The following PRDM2 variants were observed in gnomAD, a reference collection of about 807,000 sequenced individuals.
PRDM2 encodes PR domain zinc finger protein 2.
PRDM2 carries 30 observed loss-of-function variants against 130.0 expected under a neutral mutation model. That is an observed-to-expected ratio of 0.23 (90% CI 0.17 to 0.31). The LOEUF (loss-of-function observed/expected upper bound fraction) is 0.31. Ranked by LOEUF, PRDM2 falls within the 10% of genes least tolerant of loss-of-function variation. The probability of loss-of-function intolerance (pLI) is 1.00; values close to 1 mark genes in which losing one functional copy is unlikely to be tolerated. For synonymous variants in PRDM2, 871 were observed against 782.4 expected (o/e 1.11, Z -1.89); for missense variants, 2,011 against 2,108.4 (o/e 0.95, Z 0.90).
In PRDM2 at chr1:13,806,341, C is replaced by T. The variant is rs1052041186; in HGVS notation, c.5037-10086C>T. On this transcript the variant is annotated intron_variant, in intron 8 of 9. Coordinates refer to ENST00000311066, the MANE Select transcript of PRDM2 (RefSeq NM_001393986.1). This position sits in a 1 kb window ranked among gnomAD's most constrained non-coding sequence, Gnocchi z 4.1. ...CTTGGTGATCTCATCCAGTCACATG[C>T]GTTAAATACCACCTGGATGCTGACC... is the stretch of plus-strand genomic sequence containing the variant. Among the ~76,000 whole-genome samples the T allele has an allele frequency of 1.3e-5, 2 of 152,272 alleles. No homozygotes were observed. Among genetic ancestry groups the T allele is most frequent in the South Asian group, 2.1e-4 (1 of 4,816 alleles).
chr1:13,702,811 A>AG (rs763183251), intron 1 of PRDM2, among the ~76,000 whole-genome samples: 58 of 152,162 alleles, frequency 3.8e-4, no homozygotes, highest in Non-Finnish European at 6.6e-4. Flanking sequence ...ATACTCATGC[A>AG]GAAAAAAAAC....
intron 8 of PRDM2, among the ~76,000 whole-genome samples, chr1:13,792,368 G>T (rs566798366): frequency 6.6e-6 from 1 of 152,206 alleles, no homozygotes; most frequent in South Asian, 2.1e-4. Flanking sequence ...AACAATTTCA[G>T]TGTACAGCAG....
chr1:13,823,097 C>T, intron 9 of PRDM2, 62 bp from the exon 10 acceptor site: 1 of 1,490,088 alleles, frequency 6.7e-7, no homozygotes, highest in South Asian at 1.2e-5. Flanking sequence ...ACGCATGGAC[C>T]ACCATGGTCG....
At chr1:13,706,303 A>G (rs1369647288) in intron 1 of PRDM2, among the ~76,000 whole-genome samples, 1 of 152,034 alleles carries the variant, frequency 6.6e-6, no homozygotes, top group Non-Finnish European at 1.5e-5. Flanking sequence ...CTCCTCACCT[A>G]CTTCCTTATT....
intron 8 of PRDM2, among the ~76,000 whole-genome samples, chr1:13,808,555 C>G (rs1645122485): frequency 6.6e-6 from 1 of 151,650 alleles, no homozygotes; most frequent in Non-Finnish European, 1.5e-5. Context: ...ATTCATTTTG[C>G]CGGGATTTTA....
chr1:13,725,602 T>A (rs1642886771), intron 2 of PRDM2, among the ~76,000 whole-genome samples: 1 of 152,230 alleles, frequency 6.6e-6, no homozygotes, highest in African/African-American at 2.4e-5. Context: ...GGTATAATAA[T>A]GCTAGTTAGA....
intron 2 of PRDM2, among the ~76,000 whole-genome samples, chr1:13,715,969 A>G (rs565332974): frequency 6.6e-6 from 1 of 152,102 alleles, no homozygotes; most frequent in African/African-American, 2.4e-5. Context: ...TTATTTTGTG[A>G]TTATTTGTTG....
intron 8 of PRDM2, among the ~76,000 whole-genome samples, chr1:13,816,171 A>G (rs1645253519): frequency 6.6e-6 from 1 of 151,986 alleles, no homozygotes; most frequent in Non-Finnish European, 1.5e-5. Context: ...CCCAATGGAC[A>G]CTCCTCTTGC....
intron 8 of PRDM2, among the ~76,000 whole-genome samples, chr1:13,808,748 AATG>A (rs1645125814): frequency 6.6e-6 from 1 of 152,204 alleles, no homozygotes; most frequent in South Asian, 2.1e-4. Flanking sequence ...CTAAGAATAC[AATG>A]ATGAACAAAA....
At chr1:13,778,358 C>G in intron 7 of PRDM2, 60 bp from the exon 8 acceptor site, 1 of 1,474,782 alleles carries the variant, frequency 6.8e-7, no homozygotes, top group Non-Finnish European at 9.1e-7. Context: ...TCAGATTGTT[C>G]ACCAAGTAGC....
intron 6 of PRDM2, 21 bp downstream of exon 6, chr1:13,749,508 C>G (rs1643739233): frequency 7.6e-7 from 1 of 1,312,254 alleles, no homozygotes; most frequent in Non-Finnish European, 9.9e-7. Context: ...CCCGGCCCGC[C>G]CGCCCGGCCC....
chr1:13,753,954 A>T (rs1643891986), intron 6 of PRDM2, among the ~76,000 whole-genome samples: 1 of 152,214 alleles, frequency 6.6e-6, no homozygotes, highest in Non-Finnish European at 1.5e-5. Flanking sequence ...TTCACATGGA[A>T]TCACATTCTG....
At chr1:13,741,574 C>G (rs1488146050) in intron 4 of PRDM2, among the ~76,000 whole-genome samples, 1 of 152,168 alleles carries the variant, frequency 6.6e-6, no homozygotes, top group Admixed American at 6.5e-5. Flanking sequence ...ACCCAGAAAG[C>G]TTGGGATTTG....
At chr1:13,738,851 G>A (rs1036062536) in intron 4 of PRDM2, 2 of 151,980 alleles carry the variant, frequency 1.3e-5, no homozygotes, top group Non-Finnish European at 2.9e-5. Flanking sequence ...ATTTAATTCT[G>A]TAGGATGTCA....
At chr1:13,757,775 T>G (rs983341558) in intron 6 of PRDM2, among the ~76,000 whole-genome samples, 2 of 132,292 alleles carry the variant, frequency 1.5e-5, no homozygotes, top group South Asian at 2.6e-4. Context: ...CAGAGGTGGA[T>G]AGCTTTTTTT....
chr1:13,778,641 A>AGAT lies in PRDM2; in HGVS notation c.861_863dup (p.Asp287dup), dbSNP rs369010172. The AGAT allele has an allele frequency of 2.6e-4, 404 of 1,549,314 alleles. 3 individuals carry two copies. In the East Asian group the frequency reaches 6.7e-3, roughly 26 times the overall value. ...AGGAGGAGGATGAAGAAGAAGAAGA[A>AGAT]GATGATGATGATGATGAGTTGGAAG... On this transcript the variant is annotated inframe_insertion, in exon 8 of 10. Transcript: ENST00000311066.
chr1:13,737,006 G>T (rs1412303258), intron 4 of PRDM2, among the ~76,000 whole-genome samples: 1 of 152,226 alleles, frequency 6.6e-6, no homozygotes, highest in East Asian at 1.9e-4. Context: ...AGTCAGCGCT[G>T]CTATGATTAA....
intron 8 of PRDM2, among the ~76,000 whole-genome samples, chr1:13,793,821 A>G (rs536657664): frequency 6.6e-6 from 1 of 151,972 alleles, no homozygotes; most frequent in Non-Finnish European, 1.5e-5. Flanking sequence ...GAGCTAAAAC[A>G]AAAGAAAGAT....
intron 1 of PRDM2, among the ~76,000 whole-genome samples, chr1:13,710,057 T>C (rs1642322043): frequency 1.3e-5 from 2 of 152,342 alleles, no homozygotes; most frequent in Middle Eastern, 6.8e-3. Flanking sequence ...AACTAATCTT[T>C]AAAAAAATCT....
Sources: gnomAD v4.1 joint callset for allele counts (sites outside exome capture counted in the v4.1 genomes callset) on GRCh38, gnomAD v4.1.1 for gene constraint, Gnocchi (gnomAD v3.1) non-coding constraint, MANE v1.5 for transcripts, NCBI Gene and HGNC (gene_info 2026-07-23, HGNC 2026-07-21) for gene names.